The following KANK1 variants were observed in gnomAD, a reference collection of about 807,000 sequenced individuals.
KANK1 encodes the protein KN motif and ankyrin repeat domains 1, also known as KN motif and ankyrin repeat domain-containing protein 1.
A neutral mutation model predicts 106.2 loss-of-function variants in KANK1; 109 were observed. The observed-to-expected ratio is 1.03, with a 90% confidence interval of 0.88 to 1.20. The LOEUF (loss-of-function observed/expected upper bound fraction) is 1.20. Among genes scored for constraint, KANK1 ranks in the 50% most tolerant of loss-of-function variants. KANK1 has a pLI of 0.00. For missense variants in KANK1, 2,399 were observed against 1,710.7 expected (o/e 1.40, Z -7.10); for synonymous variants, 873 against 652.2 (o/e 1.34, Z -5.16).
chr9:528,084 G>T (rs973990683), intron 1 of KANK1, among the ~76,000 whole-genome samples: 2 of 150,808 alleles, frequency 1.3e-5, no homozygotes, highest in Non-Finnish European at 2.9e-5. Context: ...AGTGAGCCGA[G>T]ATCGTGCCAC....
chr9:555,383 C>G (rs1483526125), intron 1 of KANK1, among the ~76,000 whole-genome samples: 2 of 132,102 alleles, frequency 1.5e-5, no homozygotes, highest in African/African-American at 7.7e-5. Context: ...GCAAACTGTG[C>G]AGTGTCAGCT....
chr9:561,187 G>T (rs1196126910), intron 1 of KANK1, among the ~76,000 whole-genome samples: 1 of 152,214 alleles, frequency 6.6e-6, no homozygotes, highest in East Asian at 1.9e-4. Flanking sequence ...CAACTTCAGG[G>T]GGGCAGGATT....
At chr9:560,073 A>G (rs1234474972) in intron 1 of KANK1, among the ~76,000 whole-genome samples, 1 of 152,204 alleles carries the variant, frequency 6.6e-6, no homozygotes, top group Non-Finnish European at 1.5e-5. Context: ...TAATCCTCTA[A>G]TGGAATAAAT....
chr9:570,900 G>C (rs1818982289), intron 1 of KANK1, among the ~76,000 whole-genome samples: 1 of 152,108 alleles, frequency 6.6e-6, no homozygotes, highest in Non-Finnish European at 1.5e-5. Flanking sequence ...ATTATAATGG[G>C]CAGTGAATAT....
intron 1 of KANK1, among the ~76,000 whole-genome samples, chr9:668,563 T>G (rs1432985530): frequency 9.9e-5 from 15 of 152,214 alleles, no homozygotes; most frequent in Non-Finnish European, 7.3e-5. Flanking sequence ...TTTCTTCCTG[T>G]CATCCTTTAT....
At chr9:594,896 AT>A in intron 1 of KANK1, among the ~76,000 whole-genome samples, 1 of 151,990 alleles carries the variant, frequency 6.6e-6, no homozygotes, top group East Asian at 1.9e-4. Context: ...GCCACTGTGT[AT>A]TGATAATGGC....
chr9:565,416 T>A (rs2804265), intron 1 of KANK1, among the ~76,000 whole-genome samples: 66,842 of 152,072 alleles, frequency 0.44, 18,516 homozygotes, highest in Non-Finnish European at 0.62. Flanking sequence ...CCCAAAAGGG[T>A]CTTCCAGTTC....
At chr9:682,515 A>G (rs1349066296) in intron 2 of KANK1, among the ~76,000 whole-genome samples, 1 of 152,192 alleles carries the variant, frequency 6.6e-6, no homozygotes, top group Non-Finnish European at 1.5e-5. Context: ...ATAGTTTTCA[A>G]ATTATTATTT....
At chr9:648,676 C>G (rs1161033267) in intron 1 of KANK1, among the ~76,000 whole-genome samples, 1 of 152,148 alleles carries the variant, frequency 6.6e-6, no homozygotes, top group African/African-American at 2.4e-5. Flanking sequence ...AATCGCAGGC[C>G]AAGGGGAGCT....
At chr9:566,524 T>C (rs2134621105) in intron 1 of KANK1, among the ~76,000 whole-genome samples, 1 of 152,318 alleles carries the variant, frequency 6.6e-6, no homozygotes, top group East Asian at 1.9e-4. Context: ...GCACCTGTTA[T>C]GTTTTGATTT....
chr9:655,815 G>A (rs569792776), intron 1 of KANK1, among the ~76,000 whole-genome samples: 13 of 152,250 alleles, frequency 8.5e-5, no homozygotes, highest in Non-Finnish European at 1.3e-4. Flanking sequence ...TGGCTAAAAC[G>A]TTTTGTTTTT....
At chr9:522,987 G>GATC (rs1388171028) in intron 1 of KANK1, among the ~76,000 whole-genome samples, 1 of 151,704 alleles carries the variant, frequency 6.6e-6, no homozygotes, top group African/African-American at 2.4e-5. Flanking sequence ...TGCAAAACAT[G>GATC]ATCATCTGTA....
At chr9:631,927 T>C (rs1835843539) in intron 1 of KANK1, among the ~76,000 whole-genome samples, 1 of 152,188 alleles carries the variant, frequency 6.6e-6, no homozygotes, top group South Asian at 2.1e-4. Context: ...GCTCTATAGC[T>C]CTCAGCTCAC....
At chr9:577,204 C>T (rs576726845) in intron 1 of KANK1, among the ~76,000 whole-genome samples, 76 of 152,302 alleles carry the variant, frequency 5.0e-4, no homozygotes, top group African/African-American at 1.7e-3. Flanking sequence ...CTCTGGTGGC[C>T]AGATTTTATT....
rs778128009 is a variant in KANK1 at position 711,338 on chromosome 9, G to A, written c.572G>A (p.Gly191Asp). Residue 191 changes from glycine (G) to aspartate (D), a missense_variant, in exon 3 of 12, where the codon GGC (glycine) becomes GAC (aspartate). Transcript: ENST00000382297. Reference sequence around the variant, plus strand: ...AGGCTGGCCAGTTTTGGAGGCATGGGCACCACAAGCTCCCTCCCTTCTTTT... The same window carrying A: ...AGGCTGGCCAGTTTTGGAGGCATGGACACCACAAGCTCCCTCCCTTCTTTT... ...RPRLASFGGM[G>D]TTSSLPSFVG... 2 of 1,614,004 alleles carry A rather than the reference G, an allele frequency of 1.2e-6. No homozygotes were observed. Among genetic ancestry groups the A allele is most frequent in the Admixed American group, 3.3e-5 (2 of 60,002 alleles).
chr9:670,574 C>G (rs1588755640), intron 1 of KANK1, among the ~76,000 whole-genome samples: 1 of 152,100 alleles, frequency 6.6e-6, no homozygotes, highest in Non-Finnish European at 1.5e-5. Context: ...AGTTCATGCC[C>G]AAGAGACCTG....
intron 3 of KANK1, among the ~76,000 whole-genome samples, chr9:492,508 T>C (rs1278541044): frequency 6.6e-6 from 1 of 152,208 alleles, no homozygotes; most frequent in Non-Finnish European, 1.5e-5. Context: ...CCTTTAGAGC[T>C]GTTAAGGGTT....
intron 1 of KANK1, among the ~76,000 whole-genome samples, chr9:566,221 G>T (rs1177285463): frequency 1.3e-5 from 2 of 152,192 alleles, no homozygotes; most frequent in Admixed American, 1.3e-4. Context: ...GTATTTCATG[G>T]TGTATATGTT....
chr9:595,370 C>T (rs113796204), intron 1 of KANK1, among the ~76,000 whole-genome samples: 103 of 152,004 alleles, frequency 6.8e-4, no homozygotes, highest in African/African-American at 2.4e-3. Flanking sequence ...TGTGAAAGCA[C>T]TCTGAAGGGG....
Sources: gnomAD v4.1 joint callset for allele counts (sites outside exome capture counted in the v4.1 genomes callset) on GRCh38, gnomAD v4.1.1 for gene constraint, MANE v1.5 for transcripts, NCBI Gene and HGNC (gene_info 2026-07-23, HGNC 2026-07-21) for gene names.